FOXP1: variants seen among roughly 807,000 people sequenced by gnomAD.
FOXP1 encodes the protein forkhead box P1.
In FOXP1, 15 loss-of-function variants were observed where a neutral mutation model predicts 98.2. The observed-to-expected ratio is 0.15, with a 90% confidence interval of 0.10 to 0.24. The LOEUF (loss-of-function observed/expected upper bound fraction) is 0.24, where lower values mean the gene tolerates loss of function less well. Among genes scored for constraint, FOXP1 ranks in the 10% least tolerant of loss-of-function variants. The pLI is 1.00. For synonymous variants in FOXP1, 371 were observed against 314.5 expected, an observed-to-expected ratio of 1.18 and a Z score of -1.90; for missense variants, 633 against 848.5, an observed-to-expected ratio of 0.75 and a Z score of 3.15.
intron 5 of FOXP1, among the ~76,000 whole-genome samples, chr3:71,264,750 G>A (rs1008625429): frequency 2.0e-5 from 3 of 152,130 alleles, no homozygotes; most frequent in African/African-American, 4.8e-5. Context: ...AGAATTACGC[G>A]ATTGATAACA....
intron 3 of FOXP1, among the ~76,000 whole-genome samples, chr3:71,482,730 A>T (rs28451075): frequency 5.9e-5 from 9 of 151,798 alleles, no homozygotes; most frequent in Non-Finnish European, 7.4e-5. Context: ...ATTTTTTTTT[A>T]AATTTTCTGT....
intron 14 of FOXP1, among the ~76,000 whole-genome samples, chr3:70,983,416 C>A (rs1285991777): frequency 6.6e-6 from 1 of 152,074 alleles, no homozygotes; most frequent in Non-Finnish European, 1.5e-5. Context: ...CCCAAATGAT[C>A]CTTGAAGAGT....
intron 18 of FOXP1, 95 bp downstream of exon 18, chr3:70,972,460 C>G: frequency 6.4e-7 from 1 of 1,554,556 alleles, no homozygotes; most frequent in South Asian, 1.1e-5. Flanking sequence ...GAAACCAGTT[C>G]TTTGGTCTAA....
chr3:71,505,227 A>G (rs1470025685), intron 2 of FOXP1, among the ~76,000 whole-genome samples: 1 of 152,092 alleles, frequency 6.6e-6, no homozygotes, highest in African/African-American at 2.4e-5. Context: ...CACTGTCTAA[A>G]ACCCTTGGCT....
intron 4 of FOXP1, among the ~76,000 whole-genome samples, chr3:71,355,369 T>G (rs1219303689): frequency 6.6e-6 from 1 of 152,148 alleles, no homozygotes; most frequent in Non-Finnish European, 1.5e-5. Flanking sequence ...GACAGGGCTG[T>G]AACATATGGA....
At chr3:71,546,288 G>GTAAACTGCT (rs2045353659) in intron 2 of FOXP1, among the ~76,000 whole-genome samples, 2 of 151,994 alleles carry the variant, frequency 1.3e-5, no homozygotes, top group Non-Finnish European at 2.9e-5. Context: ...AAGCAGCCAA[G>GTAAACTGCT]GCTAAAGTTA....
intron 6 of FOXP1, among the ~76,000 whole-genome samples, chr3:71,131,495 A>G (rs2059569287): frequency 6.6e-6 from 1 of 151,648 alleles, no homozygotes; most frequent in Non-Finnish European, 1.5e-5. Context: ...GAAGCTACTG[A>G]TTTGTTATTT....
At chr3:71,539,182 G>T (rs13067244) in intron 2 of FOXP1, among the ~76,000 whole-genome samples, 2,117 of 36,464 alleles carry the variant, frequency 0.058, no homozygotes, top group African/African-American at 0.11. Flanking sequence ...CGCAATCTTG[G>T]CTCACTGCAA....
intron 1 of FOXP1, chr3:71,582,794 G>A (rs1205930222): frequency 4.1e-6 from 4 of 985,118 alleles, no homozygotes; most frequent in East Asian, 2.3e-4. Flanking sequence ...GCGCAGGTGC[G>A]TGTTTGAATT....
chr3:71,337,954 C>T lies in FOXP1; in HGVS notation c.-73+21196G>A, dbSNP rs61746309. On this transcript the variant is annotated intron_variant, in intron 4 of 20. Transcript: ENST00000649528. Reference sequence around the variant, plus strand: ...TACACAAGGAGGACGAGGAAGCGCTCGTTTCACAGGGCTGGACATCCTTAG... The same window carrying T: ...TACACAAGGAGGACGAGGAAGCGCTTGTTTCACAGGGCTGGACATCCTTAG... 1.3e-5 allele frequency among the ~76,000 whole-genome samples: 2 copies of T among 152,300 alleles called. 1 individual carries two copies. Among genetic ancestry groups the T allele is most frequent in the South Asian group, 4.1e-4 (2 of 4,824 alleles).
chr3:70,991,792 T>C (rs2040640609), intron 13 of FOXP1, among the ~76,000 whole-genome samples: 1 of 152,174 alleles, frequency 6.6e-6, no homozygotes, highest in African/African-American at 2.4e-5. Context: ...AAGGTAAACA[T>C]ATCTGAGGTC....
chr3:71,073,482 T>C (rs2053486493), intron 7 of FOXP1, among the ~76,000 whole-genome samples: 1 of 152,090 alleles, frequency 6.6e-6, no homozygotes, highest in Non-Finnish European at 1.5e-5. Flanking sequence ...TCCTATAACC[T>C]CCACTGCACA....
At chr3:71,483,963 G>A (rs1479571774) in intron 3 of FOXP1, among the ~76,000 whole-genome samples, 2 of 152,270 alleles carry the variant, frequency 1.3e-5, no homozygotes, top group East Asian at 3.9e-4. Context: ...TAGAAGCACA[G>A]ACACCCACCT....
At chr3:71,218,819 T>C (rs535384628) in intron 5 of FOXP1, among the ~76,000 whole-genome samples, 1 of 152,298 alleles carries the variant, frequency 6.6e-6, no homozygotes, top group African/African-American at 2.4e-5. Flanking sequence ...TCCCTGGAAG[T>C]CCTTAACGTT....
intron 3 of FOXP1, among the ~76,000 whole-genome samples, chr3:71,384,745 G>C (rs2080440283): frequency 6.6e-6 from 1 of 152,212 alleles, no homozygotes; most frequent in Non-Finnish European, 1.5e-5. Flanking sequence ...GAGTGGTGGA[G>C]TGGGTGGCAA....
chr3:71,183,053 G>A (rs2062425036), intron 6 of FOXP1, among the ~76,000 whole-genome samples: 1 of 152,116 alleles, frequency 6.6e-6, no homozygotes, highest in African/African-American at 2.4e-5. Context: ...TAAGGTTAGA[G>A]ATTTAGGGTG....
intron 19 of FOXP1, chr3:70,969,383 TAAATA>T (rs1278169173): frequency 6.6e-6 from 1 of 152,136 alleles, no homozygotes; most frequent in Non-Finnish European, 1.5e-5. Context: ...AGGCTAAAAA[TAAATA>T]AATATAATTA....
intron 3 of FOXP1, among the ~76,000 whole-genome samples, chr3:71,435,103 A>G (rs2085123571): frequency 6.7e-6 from 1 of 149,172 alleles, no homozygotes. Flanking sequence ...AGCTTAAAGT[A>G]AGAGACTTCA....
intron 3 of FOXP1, among the ~76,000 whole-genome samples, chr3:71,380,127 G>C (rs1480970984): frequency 6.6e-6 from 1 of 152,196 alleles, no homozygotes; most frequent in Non-Finnish European, 1.5e-5. Context: ...CGGGCAGGCA[G>C]GGAGGAGTTG....
Sources: gnomAD v4.1 joint callset for allele counts (sites outside exome capture counted in the v4.1 genomes callset) on GRCh38, gnomAD v4.1.1 for gene constraint, MANE v1.5 for transcripts, NCBI Gene and HGNC (gene_info 2026-07-23, HGNC 2026-07-21) for gene names.